The following PTPRF variants were observed in gnomAD, a reference collection of about 807,000 sequenced individuals.
PTPRF encodes the protein protein tyrosine phosphatase receptor type F.
PTPRF carries 59 observed loss-of-function variants against 201.8 expected under a neutral mutation model. That is an observed-to-expected ratio of 0.29 (90% CI 0.24 to 0.36). The LOEUF is 0.36. PTPRF is among the 10% of genes least tolerant of loss of function. PTPRF has a pLI of 1.00. For synonymous variants in PTPRF, 1,088 were observed against 1,089.7 expected, an observed-to-expected ratio of 1.00 and a Z score of 0.03; for missense variants, 2,132 against 2,690.5, an observed-to-expected ratio of 0.79 and a Z score of 4.59.
At chr1:43,557,503 G>A (rs190785720) in intron 5 of PTPRF, among the ~76,000 whole-genome samples, 3 of 152,196 alleles carry the variant, frequency 2.0e-5, no homozygotes, top group East Asian at 1.9e-4. Context: ...GCGTGGTGGC[G>A]CACGCCTGTA....
At chr1:43,600,800 C>T (rs1034183469) in intron 13 of PTPRF, among the ~76,000 whole-genome samples, 1 of 152,054 alleles carries the variant, frequency 6.6e-6, no homozygotes, top group African/African-American at 2.4e-5. Flanking sequence ...TCTTCTCTCT[C>T]CTCCTTCCTT....
rs1471991235 is a variant in PTPRF at position 43,591,289 on chromosome 1, C to T, written c.1267C>T (p.Arg423Cys). The change falls in exon 9 of 34, where the codon CGC (arginine) becomes TGC (cysteine). Residue 423 changes from arginine to cysteine, a missense_variant. Transcript: ENST00000359947. ...PSSPPRRVQA[R>C]MLSASTMLVQ... ...CAGCCCACCGCGCCGCGTGCAGGCA[C>T]GCATGCTGAGCGCCAGCACCATGCT... 2 of 1,554,356 alleles carry T rather than the reference C, an allele frequency of 1.3e-6. No individual in the cohort carries two copies. Among genetic ancestry groups the T allele is most frequent in the Non-Finnish European group, 1.7e-6 (2 of 1,151,190 alleles).
intron 22 of PTPRF, chr1:43,612,870 G>A: frequency 8.1e-7 from 1 of 1,235,962 alleles, no homozygotes; most frequent in South Asian, 1.2e-5. Context: ...CCTTACTTTT[G>A]TTTACCCCAT....
Position 43,591,499 on chromosome 1 carries a change from G to T in PTPRF, c.1477G>T (p.Ala493Ser). The T allele has an allele frequency of 6.2e-7, 1 of 1,600,758 alleles. No individual in the cohort carries two copies. Among genetic ancestry groups the T allele is most frequent in the Non-Finnish European group, 8.5e-7 (1 of 1,176,308 alleles). The change falls in exon 9 of 34, where the codon GCC becomes TCC. Residue 493 changes from alanine (A) to serine (S), a missense_variant. Physicochemically the swap from Ala to Ser is moderately conservative, Grantham distance 99. Transcript: ENST00000359947. ...CAGCCTGCGCGTGCTTGCCTTCACC[G>T]CCGTGGGCGATGGCCCTCCCAGCCC... ...TYSLRVLAFT[A>S]VGDGPPSPTI...
At chr1:43,604,876 G>C (rs746342002) in intron 16 of PTPRF, 27 bp from the exon 17 acceptor site, 2 of 1,605,270 alleles carry the variant, frequency 1.2e-6, no homozygotes, top group Admixed American at 3.3e-5. Context: ...ATACCCAGCA[G>C]AGCTGACTCT....
chr1:43,613,674 C>T lies in PTPRF; in HGVS notation c.4030C>T (p.Leu1344Phe). ...CGACCTGGCGGACAACATCGAGCGCCTCAAAGCCAACGATGGCCTCAAGTT... is the reference window on the plus strand; with the variant it reads ...CGACCTGGCGGACAACATCGAGCGCTTCAAAGCCAACGATGGCCTCAAGTT... ...ITDLADNIER[L>F]KANDGLKFSQ... Residue 1344 changes from leucine to phenylalanine, a missense_variant, in exon 23 of 34, where the codon CTC (leucine) becomes TTC (phenylalanine). Transcript: ENST00000359947. The T allele has an allele frequency of 1.2e-6, 2 of 1,614,218 alleles. No individual in the cohort carries two copies. The highest frequency in any genetic ancestry group is 1.1e-5 in the South Asian group (1 of 91,088).
intron 3 of PTPRF, among the ~76,000 whole-genome samples, chr1:43,549,971 C>A (rs1445031562): frequency 6.6e-6 from 1 of 152,110 alleles, no homozygotes; most frequent in Non-Finnish European, 1.5e-5. Context: ...AGGAGAGGTG[C>A]GGTTAGATCT....
At chr1:43,547,604 T>C (rs1644761206) in intron 3 of PTPRF, among the ~76,000 whole-genome samples, 1 of 152,208 alleles carries the variant, frequency 6.6e-6, no homozygotes, top group Admixed American at 6.5e-5. Context: ...CTGCAGAAGA[T>C]AGGGTAGGCA....
chr1:43,591,258 GC>G lies in PTPRF; in HGVS notation c.1239del (p.Ser414ProfsTer12). The G allele has an allele frequency of 6.4e-7, 1 of 1,574,476 alleles. No homozygotes were observed. Among genetic ancestry groups the G allele is most frequent in the Non-Finnish European group, 8.6e-7 (1 of 1,162,040 alleles). ...TGCGGGCACGCACGGGAGAACAGGC[GC>G]CCTCCAGCCCACCGCGCCGCGTGCA... Reference protein sequence around the residue: ...AVRARTGEQAPSSPPRRVQAR... With the variant: ...AVRARTGEQAXSSPPRRVQAR... On this transcript the variant is annotated frameshift_variant, in exon 9 of 34. Transcript: ENST00000359947. LOFTEE classifies it high-confidence loss of function.
intron 7 of PTPRF, among the ~76,000 whole-genome samples, chr1:43,583,702 G>A (rs1648353373): frequency 6.6e-6 from 1 of 152,136 alleles, no homozygotes; most frequent in African/African-American, 2.4e-5. Context: ...CTGCCTCAGG[G>A]AGCTTGGTGT....
chr1:43,534,675 G>A (rs1643895150), intron 1 of PTPRF, among the ~76,000 whole-genome samples: 1 of 152,126 alleles, frequency 6.6e-6, no homozygotes, highest in African/African-American at 2.4e-5. Flanking sequence ...AGTGGGGGAG[G>A]CACATCAAGG....
chr1:43,567,783 C>T (rs1242824104), intron 5 of PTPRF, among the ~76,000 whole-genome samples: 4 of 152,348 alleles, frequency 2.6e-5, no homozygotes, highest in Admixed American at 6.5e-5. Flanking sequence ...TGTGCCTTTA[C>T]TCTGGCATAG....
intron 32 of PTPRF, 37 bp downstream of exon 32, chr1:43,621,029 C>T (rs1659090118): frequency 1.9e-6 from 3 of 1,609,666 alleles, no homozygotes; most frequent in African/African-American, 2.7e-5. Flanking sequence ...GGTGGGTGGG[C>T]CTGAAGGCCT....
chr1:43,572,471 C>T (rs960428815), intron 6 of PTPRF, among the ~76,000 whole-genome samples: 1 of 152,204 alleles, frequency 6.6e-6, no homozygotes, highest in African/African-American at 2.4e-5. Context: ...ACCTAAGGGG[C>T]CTCAACCATC....
Position 43,598,801 on chromosome 1 carries a change from C to G in PTPRF, c.2201C>G (p.Pro734Arg). ...AVHVYWKLPV[P>R]SKQHGQIRGY... Reference sequence around the variant, plus strand: ...CATGTCTACTGGAAGCTGCCTGTCCCCAGCAAGCAGCATGGCCAGATCCGC... The same window carrying G: ...CATGTCTACTGGAAGCTGCCTGTCCGCAGCAAGCAGCATGGCCAGATCCGC... Residue 734 changes from proline to arginine, a missense_variant, in exon 13 of 34, where the codon CCC (proline) becomes CGC (arginine). Pro to Arg is a moderately radical substitution (Grantham distance 103). This residue lies in a region of PTPRF where 125 missense variants were observed against 211.9 expected (regional missense o/e 0.59). Transcript: ENST00000359947. The G allele has an allele frequency of 6.2e-7, 1 of 1,614,216 alleles. No individual in the cohort carries two copies. The highest frequency in any genetic ancestry group is 1.1e-5 in the South Asian group (1 of 91,084).
At chr1:43,577,015 C>A (rs988022221) in intron 6 of PTPRF, among the ~76,000 whole-genome samples, 15 of 152,098 alleles carry the variant, frequency 9.9e-5, no homozygotes, top group Non-Finnish European at 1.5e-4. Context: ...GGTGTTGGTT[C>A]CAGATTTGGG....
chr1:43,592,895 C>T (rs975289897), intron 11 of PTPRF, among the ~76,000 whole-genome samples: 11 of 152,152 alleles, frequency 7.2e-5, no homozygotes, highest in East Asian at 1.9e-4. Context: ...GCCTCATCTC[C>T]GCCCCCACTC....
chr1:43,527,401 C>G (rs1012268184), upstream of PTPRF, among the ~76,000 whole-genome samples: 7 of 152,246 alleles, frequency 4.6e-5, no homozygotes, highest in Admixed American at 2.0e-4. Context: ...ACCTGAGCTT[C>G]TCATCCATGT....
intron 13 of PTPRF, 140 bp downstream of exon 13, chr1:43,599,053 C>T (rs754645289): frequency 1.5e-4 from 133 of 909,330 alleles, no homozygotes; most frequent in Non-Finnish European, 1.9e-4. Context: ...TTGTGAGACC[C>T]GAGATGCTTT....
Sources: allele counts gnomAD v4.1 joint callset (sites outside exome capture counted in the v4.1 genomes callset), GRCh38; gene constraint gnomAD v4.1.1; regional missense constraint gnomAD v4.1.1; transcripts MANE v1.5; gene names NCBI Gene and HGNC (gene_info 2026-07-23, HGNC 2026-07-21).